The following CCSER1 variants were observed in gnomAD, a reference collection of about 807,000 sequenced individuals.
CCSER1 encodes the protein serine-rich coiled-coil domain-containing protein 1.
CCSER1 carries 41 observed loss-of-function variants against 82.0 expected under a neutral mutation model. The observed-to-expected ratio is 0.50, with a 90% CI of 0.39 to 0.65. The LOEUF (loss-of-function observed/expected upper bound fraction) is 0.65, where lower values mean the gene tolerates loss of function less well. Ranked by LOEUF, CCSER1 falls within the 30% of genes least tolerant of loss-of-function variation. The pLI, the probability that CCSER1 is intolerant of heterozygous loss-of-function variation, is 0.00. For missense variants in CCSER1, 1,119 were observed against 1,064.2 expected, an observed-to-expected ratio of 1.05 and a Z score of -0.72; for synonymous variants, 414 against 383.9, an observed-to-expected ratio of 1.08 and a Z score of -0.92.
rs181056733 is a variant in CCSER1 at position 91,405,374 on chromosome 4, A to G, written c.2218-193198A>G. On this transcript the variant is annotated intron_variant, in intron 10 of 10. Coordinates refer to ENST00000509176, the MANE Select transcript of CCSER1 (RefSeq NM_001145065.2). ...AAAAACCCTAGAAGAAAACCTAGGC[A>G]ATACCATTCAAGACACAGGCATGGG... Among the ~76,000 whole-genome samples the G allele has an allele frequency of 1.9e-3, 282 of 152,300 alleles. 2 individuals carry two copies. Among genetic ancestry groups the G allele is most frequent in the African/African-American group, 6.4e-3 (265 of 41,554 alleles).
intron 10 of CCSER1, among the ~76,000 whole-genome samples, chr4:91,414,922 C>G (rs1753267016): frequency 1.3e-5 from 2 of 152,010 alleles, no homozygotes; most frequent in Non-Finnish European, 2.9e-5. Flanking sequence ...ATTGACACAC[C>G]TATGTATATA....
chr4:91,325,560 G>C (rs548396852), intron 10 of CCSER1, among the ~76,000 whole-genome samples: 11 of 152,094 alleles, frequency 7.2e-5, no homozygotes, highest in Non-Finnish European at 1.2e-4. Flanking sequence ...TTTGGGCCAA[G>C]GTTAATAGCA....
intron 3 of CCSER1, among the ~76,000 whole-genome samples, chr4:90,360,739 A>G (rs937510864): frequency 3.3e-5 from 5 of 152,184 alleles, no homozygotes; most frequent in Non-Finnish European, 5.9e-5. Context: ...GTCAACATCC[A>G]TTGGCCTAGC....
intron 10 of CCSER1, among the ~76,000 whole-genome samples, chr4:91,480,360 C>G (rs1410505768): frequency 6.6e-6 from 1 of 152,164 alleles, no homozygotes; most frequent in African/African-American, 2.4e-5. Context: ...GTCCCACCAA[C>G]AGTGTAAAAG....
chr4:91,507,338 G>T lies in CCSER1; in HGVS notation c.2218-91234G>T, dbSNP rs1307563365. Among the ~76,000 whole-genome samples, 8 of 152,146 alleles carry T rather than the reference G, an allele frequency of 5.3e-5. No homozygotes were observed. The East Asian group carries it at 1.5e-3, about 29-fold the overall frequency. ...TTAGCCATTCTAGTGGGTGTGAAGT[G>T]GTATCTCATTGTGATTTTGATTTTC... On this transcript the variant is annotated intron_variant, in intron 10 of 10. Coordinates refer to ENST00000509176, the MANE Select transcript of CCSER1 (RefSeq NM_001145065.2).
chr4:90,685,252 T>C (rs931480669), intron 6 of CCSER1, among the ~76,000 whole-genome samples: 2 of 151,980 alleles, frequency 1.3e-5, no homozygotes, highest in African/African-American at 4.8e-5. Flanking sequence ...TAGAACAAGA[T>C]GGCAGCAGTG....
chr4:90,510,633 A>G (rs941097310), intron 5 of CCSER1, among the ~76,000 whole-genome samples: 37 of 152,196 alleles, frequency 2.4e-4, no homozygotes, highest in Admixed American at 2.4e-3. Flanking sequence ...CTATTGCAAC[A>G]ATGAGGAGAA....
chr4:90,276,348 C>CTT (rs1219049059), intron 1 of CCSER1, among the ~76,000 whole-genome samples: 1 of 91,502 alleles, frequency 1.1e-5, no homozygotes, highest in Admixed American at 1.1e-4. Flanking sequence ...TTCTTTCTTT[C>CTT]TTTTTTTTTT....
At chr4:91,419,348 C>A (rs753763337) in intron 10 of CCSER1, among the ~76,000 whole-genome samples, 10 of 151,944 alleles carry the variant, frequency 6.6e-5, no homozygotes, top group Non-Finnish European at 1.5e-5. Context: ...TCAGTAAAAA[C>A]TGTCAAGCTA....
chr4:91,156,634 T>A (rs1484036652), intron 10 of CCSER1, among the ~76,000 whole-genome samples: 9 of 151,694 alleles, frequency 5.9e-5, no homozygotes, highest in Non-Finnish European at 1.3e-4. Context: ...ATGATGAGGG[T>A]CCAACTGAGA....
chr4:90,915,647 G>T (rs546434790), intron 8 of CCSER1, among the ~76,000 whole-genome samples: 1 of 152,120 alleles, frequency 6.6e-6, no homozygotes, highest in Non-Finnish European at 1.5e-5. Context: ...TCAACATAGT[G>T]TTGGAAGTTC....
At chr4:90,193,510 A>C (rs1425195751) in intron 1 of CCSER1, among the ~76,000 whole-genome samples, 1 of 151,974 alleles carries the variant, frequency 6.6e-6, no homozygotes, top group Non-Finnish European at 1.5e-5. Context: ...AATAATAGAA[A>C]CAACTTGGGA....
intron 7 of CCSER1, among the ~76,000 whole-genome samples, chr4:90,788,980 C>T (rs1754883127): frequency 6.7e-6 from 1 of 148,430 alleles, no homozygotes. Context: ...AGTGTTTAAA[C>T]TTGATTAAGC....
chr4:90,771,910 A>G (rs1410354920), intron 7 of CCSER1, among the ~76,000 whole-genome samples: 1 of 152,132 alleles, frequency 6.6e-6, no homozygotes, highest in Non-Finnish European at 1.5e-5. Flanking sequence ...GGTAGGAGCT[A>G]AAACATATAG....
At chr4:91,525,266 A>G (rs530296967) in intron 10 of CCSER1, among the ~76,000 whole-genome samples, 31 of 152,276 alleles carry the variant, frequency 2.0e-4, no homozygotes, top group African/African-American at 6.7e-4. Context: ...TTACAAAAGG[A>G]GAGGTCAAGA....
At chr4:91,557,460 A>T (rs563749766) in intron 10 of CCSER1, among the ~76,000 whole-genome samples, 4 of 151,450 alleles carry the variant, frequency 2.6e-5, no homozygotes, top group Non-Finnish European at 4.4e-5. Flanking sequence ...GGAAGGTAAG[A>T]TAATCTAGAC....
intron 7 of CCSER1, among the ~76,000 whole-genome samples, chr4:90,754,771 A>C (rs1283710329): frequency 3.3e-5 from 5 of 152,186 alleles, no homozygotes; most frequent in Admixed American, 3.3e-4. Context: ...TCAGCTGCAA[A>C]AATAAGACAA....
chr4:90,519,535 T>G (rs918324513), intron 5 of CCSER1, among the ~76,000 whole-genome samples: 4 of 151,954 alleles, frequency 2.6e-5, no homozygotes, highest in African/African-American at 9.7e-5. Context: ...AGTTTATTAA[T>G]TAAATATTTT....
chr4:90,809,151 C>CCACACACA (rs61533923), intron 7 of CCSER1, among the ~76,000 whole-genome samples: 3 of 67,598 alleles, frequency 4.4e-5, no homozygotes, highest in Admixed American at 1.4e-4. Context: ...GACCCCATTT[C>CCACACACA]CACACACACA....
Sources: allele counts gnomAD v4.1 joint callset (sites outside exome capture counted in the v4.1 genomes callset), GRCh38; gene constraint gnomAD v4.1.1; transcripts MANE v1.5; gene names NCBI Gene and HGNC (gene_info 2026-07-23, HGNC 2026-07-21).